MTUS2: variants seen among roughly 807,000 people sequenced by gnomAD.
MTUS2 encodes microtubule associated scaffold protein 2, also known as microtubule-associated tumor suppressor candidate 2.
MTUS2 carries 40 observed loss-of-function variants against 114.1 expected under a neutral mutation model. The observed-to-expected ratio is 0.35, with a 90% CI of 0.27 to 0.46. The LOEUF is 0.46. MTUS2 is among the 20% of genes least tolerant of loss of function. The pLI is 1.00. For missense variants in MTUS2, 1,679 were observed against 1,705.4 expected, an observed-to-expected ratio of 0.98 and a Z score of 0.27; for synonymous variants, 688 against 672.0, an observed-to-expected ratio of 1.02 and a Z score of -0.37.
At chr13:29,203,496 C>T (rs565893353) in intron 5 of MTUS2, among the ~76,000 whole-genome samples, 1 of 151,138 alleles carries the variant, frequency 6.6e-6, no homozygotes, top group Admixed American at 6.6e-5. Flanking sequence ...TCCCTGGCTT[C>T]AGCCCCCTTT....
At chr13:29,059,228 A>ATTTTTTTTTTTTTTTTTTTTTTTGTTTT (rs35369352) in intron 4 of MTUS2, among the ~76,000 whole-genome samples, 2 of 97,128 alleles carry the variant, frequency 2.1e-5, no homozygotes, top group Non-Finnish European at 3.9e-5. Context: ...TATTCTTTGG[A>ATTTTTTTTTTTTTTTTTTTTTTTGTTTT]TTTTTTTTTT....
intron 5 of MTUS2, among the ~76,000 whole-genome samples, chr13:29,274,694 T>G (rs999757049): frequency 2.0e-5 from 3 of 152,180 alleles, no homozygotes; most frequent in African/African-American, 7.2e-5. Context: ...CTTTCTCATT[T>G]TTAATTGGGT....
rs1357894267 is a variant in MTUS2, at chr13:29,281,807, T to C, written c.2748T>C (p.Ser916=). The change falls in exon 6 of 16, where the codon AGT becomes AGC. Residue 916 remains serine, a synonymous_variant. Coordinates refer to ENST00000612955, the MANE Select transcript of MTUS2 (RefSeq NM_001033602.4). The part of the protein sequence containing the change: ...AGRVAPPASS[S]VTAPRRSLLP... ...GGGTGGCCCCTCCAGCATCCTCCAGTGTGACAGCACCCCGCAGGAGTTTAC... is the reference window on the plus strand; with the variant it reads ...GGGTGGCCCCTCCAGCATCCTCCAGCGTGACAGCACCCCGCAGGAGTTTAC... The C allele has an allele frequency of 6.2e-7, 1 of 1,612,184 alleles. No homozygotes were observed. Among genetic ancestry groups the C allele is most frequent in the South Asian group, 1.1e-5 (1 of 91,006 alleles).
At chr13:29,262,936 C>T (rs916860720) in intron 5 of MTUS2, among the ~76,000 whole-genome samples, 7 of 152,146 alleles carry the variant, frequency 4.6e-5, no homozygotes, top group African/African-American at 9.7e-5. Flanking sequence ...ATGGTGTCAG[C>T]TAACATGTAT....
chr13:28,885,351 A>G (rs1276934926), intron 2 of MTUS2, among the ~76,000 whole-genome samples: 1 of 152,158 alleles, frequency 6.6e-6, no homozygotes, highest in African/African-American at 2.4e-5. Context: ...AAAGGGAAGG[A>G]AAAGAAGCTG....
intron 7 of MTUS2, among the ~76,000 whole-genome samples, chr13:29,325,485 GAA>G (rs1191038012): frequency 5.0e-5 from 5 of 99,508 alleles, no homozygotes; most frequent in Non-Finnish European, 6.8e-5. Context: ...AGAAGAAGAG[GAA>G]GAGGGAGGAG....
At chr13:29,302,954 G>T (rs893517464) in intron 6 of MTUS2, among the ~76,000 whole-genome samples, 1 of 152,204 alleles carries the variant, frequency 6.6e-6, no homozygotes, top group Non-Finnish European at 1.5e-5. Context: ...GAAGGAGCTG[G>T]CTGCCATCTT....
chr13:29,325,182 G>C (rs549544532), intron 7 of MTUS2, among the ~76,000 whole-genome samples: 91 of 152,316 alleles, frequency 6.0e-4, no homozygotes, highest in Middle Eastern at 3.4e-3. Flanking sequence ...CTGGCCAGGC[G>C]TGGTGGCTCA....
In MTUS2 at chr13:29,221,146, A is replaced by G. The variant is rs192059436; in HGVS notation, c.2645-60558A>G. On this transcript the variant is annotated intron_variant, in intron 5 of 15. Transcript: ENST00000612955. The stretch of plus-strand genomic sequence containing the variant: ...TAGCTTCTCACCTGCCTGTGCATCT[A>G]GAACAGCTATGAAACATCCTTGGGA... Among the ~76,000 whole-genome samples, 236 of 152,358 alleles carry G rather than the reference A, an allele frequency of 1.5e-3. 2 individuals are homozygous for G. Among genetic ancestry groups the G allele is most frequent in the African/African-American group, 5.3e-3 (220 of 41,584 alleles).
At chr13:29,495,621 G>A (rs775522299) in intron 12 of MTUS2, among the ~76,000 whole-genome samples, 2 of 152,000 alleles carry the variant, frequency 1.3e-5, no homozygotes, top group East Asian at 1.9e-4. Flanking sequence ...CTGTAATCCC[G>A]ACACTCTGGG....
chr13:29,319,442 C>T (rs1377701097), intron 6 of MTUS2, among the ~76,000 whole-genome samples: 3 of 152,232 alleles, frequency 2.0e-5, no homozygotes, highest in African/African-American at 7.2e-5. Context: ...AGATGATCAG[C>T]AGCTGCTCCA....
chr13:29,387,022 G>T (rs1363296638), intron 8 of MTUS2, among the ~76,000 whole-genome samples: 2 of 152,202 alleles, frequency 1.3e-5, no homozygotes, highest in African/African-American at 4.8e-5. Context: ...TCATTCCACA[G>T]ATCTTTACTT....
At chr13:29,069,182 A>C (rs1888797919) in intron 4 of MTUS2, among the ~76,000 whole-genome samples, 1 of 152,172 alleles carries the variant, frequency 6.6e-6, no homozygotes, top group Non-Finnish European at 1.5e-5. Context: ...TTAATGTAAA[A>C]TATTGGCCTA....
At chr13:29,278,181 T>A (rs1171992508) in intron 5 of MTUS2, among the ~76,000 whole-genome samples, 1 of 152,174 alleles carries the variant, frequency 6.6e-6, no homozygotes, top group Non-Finnish European at 1.5e-5. Flanking sequence ...GATGTAAATG[T>A]GAAAACAGAA....
rs779556896 is a variant in MTUS2 at position 29,025,134 on chromosome 13, G to C, written c.436G>C (p.Val146Leu). 1 of 1,613,820 alleles carries C rather than the reference G, an allele frequency of 6.2e-7. No homozygotes were observed. Among genetic ancestry groups the C allele is most frequent in the Non-Finnish European group, 8.5e-7 (1 of 1,179,884 alleles). ...TGTGATGAGTGAGGCCAGTCTAGAC[G>C]TTTTGGCTAAAAGGGATGCTGAAAT... ...RNVMSEASLD[V>L]LAKRDAEIPR... The change falls in exon 3 of 16, where the codon GTT becomes CTT. Residue 146 changes from valine (V) to leucine (L), a missense_variant. Physicochemically the swap from Val to Leu is conservative, Grantham distance 32 (BLOSUM62 1). Around this residue, in one of 3 missense-constraint regions of MTUS2, gnomAD observed 843 missense variants for 770.8 expected, o/e 1.09. Transcript: ENST00000612955.
chr13:29,307,881 C>A (rs1341510433), intron 6 of MTUS2: 1 of 568,900 alleles, frequency 1.8e-6, no homozygotes, highest in East Asian at 3.3e-5. Flanking sequence ...TGAGAATCCC[C>A]CCTCCTCAGA....
intron 7 of MTUS2, among the ~76,000 whole-genome samples, chr13:29,333,359 G>A (rs111771817): frequency 0.076 from 11,481 of 152,056 alleles, 1,375 homozygotes; most frequent in African/African-American, 0.25. Context: ...CACCATGCCC[G>A]GTTAATTTTG....
chr13:29,360,565 G>A lies in MTUS2; in HGVS notation c.3117+1092G>A, dbSNP rs143430255. 1.3e-4 allele frequency among the ~76,000 whole-genome samples: 20 copies of A among 152,082 alleles called. No homozygotes were observed. In the East Asian group the frequency reaches 3.7e-3, roughly 28 times the overall value. On this transcript the variant is annotated intron_variant, in intron 8 of 15. Transcript: ENST00000612955. Reference sequence around the variant, plus strand: ...AATTTCCATTTTACCAATAGTTTCAGCCTCCTCCCCAACCAGAATTTTAAC... The same window carrying A: ...AATTTCCATTTTACCAATAGTTTCAACCTCCTCCCCAACCAGAATTTTAAC...
chr13:29,450,875 C>A (rs576760897), intron 9 of MTUS2, among the ~76,000 whole-genome samples: 9 of 152,194 alleles, frequency 5.9e-5, no homozygotes, highest in African/African-American at 1.9e-4. Flanking sequence ...AAAAGAGGTT[C>A]ATTTACCAAA....
Sources: allele counts gnomAD v4.1 joint callset (sites outside exome capture counted in the v4.1 genomes callset), GRCh38; gene constraint gnomAD v4.1.1; regional missense constraint gnomAD v4.1.1; transcripts MANE v1.5; gene names NCBI Gene and HGNC (gene_info 2026-07-23, HGNC 2026-07-21).